The following LIN52 variants were observed in gnomAD, a reference collection of about 807,000 sequenced individuals.
LIN52 encodes the protein protein lin-52 homolog.
A neutral mutation model predicts 18.5 loss-of-function variants in LIN52; 4 were observed. The ratio of observed to expected loss-of-function variants is 0.22; its 90% CI spans 0.11 to 0.49. The LOEUF is 0.49. Among genes scored for constraint, LIN52 ranks in the 20% least tolerant of loss-of-function variants. LIN52 has a pLI of 0.97. For missense variants in LIN52, 102 were observed against 139.5 expected (o/e 0.73, Z 1.35); for synonymous variants, 34 against 45.5 (o/e 0.75, Z 1.02).
intron 2 of LIN52, among the ~76,000 whole-genome samples, chr14:74,093,140 C>T (rs919284831): frequency 2.0e-5 from 3 of 151,228 alleles, no homozygotes; most frequent in Non-Finnish European, 2.9e-5. Context: ...GTAGTACAGA[C>T]GGCTTTTCAC....
Position 74,097,782 on chromosome 14 carries a change from A to T in LIN52, c.133-12A>T, listed in dbSNP as rs751753124. ...TTTTATGTGTCTGAATGGATATATT[A>T]TTTTTTGACAGCCTATTACTAGTTC... is the stretch of plus-strand genomic sequence containing the variant. On this transcript the variant is annotated splice_polypyrimidine_tract_variant and intron_variant, in intron 3 of 5. Coordinates refer to ENST00000555028, the MANE Select transcript of LIN52 (RefSeq NM_001024674.3). 2.5e-6 allele frequency: 4 copies of T among 1,586,764 alleles called. No homozygotes were observed. The highest frequency in any genetic ancestry group is 3.5e-6 in the Non-Finnish European group (4 of 1,155,548).
At chr14:74,125,801 C>T (rs1198237422) in intron 5 of LIN52, among the ~76,000 whole-genome samples, 2 of 148,590 alleles carry the variant, frequency 1.3e-5, no homozygotes, top group Non-Finnish European at 3.0e-5. Flanking sequence ...AAAAACCAAA[C>T]ACCGCATGTT....
chr14:74,156,304 G>GT lies in LIN52; in HGVS notation c.284-42610dup, dbSNP rs144215324. 6.9e-3 allele frequency among the ~76,000 whole-genome samples: 1,053 copies of GT among 151,890 alleles called. 14 individuals are homozygous for GT. The highest frequency in any genetic ancestry group is 0.024 in the African/African-American group (1,010 of 41,436). ...TATGTTGATGCGAATGCCCAGTATT[G>GT]TTTTTTTTAGACTAACCCTTTTTTA... On this transcript the variant is annotated intron_variant, in intron 5 of 5. Coordinates refer to ENST00000555028, the MANE Select transcript of LIN52 (RefSeq NM_001024674.3).
In LIN52 at chr14:74,118,528, C is replaced by CT. The variant is rs575796575; in HGVS notation, c.283+17293dup. 5.8e-4 allele frequency among the ~76,000 whole-genome samples: 88 copies of CT among 152,224 alleles called. No homozygotes were observed. The Middle Eastern group carries it at 0.01, about 18-fold the overall frequency. Reference sequence around the variant, plus strand: ...GTGGCTCATGCCTGTGATCCCAGCACTTTGGGAGGCTGAGGCTGGCAGATC... The same window carrying CT: ...GTGGCTCATGCCTGTGATCCCAGCACTTTTGGGAGGCTGAGGCTGGCAGATC... On this transcript the variant is annotated intron_variant, in intron 5 of 5. Coordinates refer to ENST00000555028, the MANE Select transcript of LIN52 (RefSeq NM_001024674.3).
At chr14:74,177,205 T>G (rs2061298126) in intron 5 of LIN52, among the ~76,000 whole-genome samples, 1 of 151,890 alleles carries the variant, frequency 6.6e-6, no homozygotes, top group African/African-American at 2.4e-5. Flanking sequence ...TCCATGTTGG[T>G]CAGGCTGGTC....
chr14:74,092,746 G>C (rs1032044087), intron 2 of LIN52, among the ~76,000 whole-genome samples: 2 of 151,630 alleles, frequency 1.3e-5, no homozygotes, highest in Non-Finnish European at 2.9e-5. Context: ...GCGAAACCCT[G>C]TCTCTATCAA....
rs192768011 is a variant in LIN52, at chr14:74,154,773, C to T, written c.284-44149C>T. 3.3e-5 allele frequency among the ~76,000 whole-genome samples: 5 copies of T among 152,254 alleles called. No homozygotes were observed. In the East Asian group the frequency reaches 5.8e-4, roughly 18 times the overall value. On this transcript the variant is annotated intron_variant, in intron 5 of 5. Transcript: ENST00000555028. ...AGAAGACGTAAGATTAAAACAGGAT[C>T]GGGTTTAGTTACTAGTGTAAGATGA...
At chr14:74,148,379 A>G (rs1440583090) in intron 5 of LIN52, among the ~76,000 whole-genome samples, 1 of 152,328 alleles carries the variant, frequency 6.6e-6, no homozygotes, top group East Asian at 1.9e-4. Context: ...AAAAATACAT[A>G]AGCTCCTCTC....
intron 5 of LIN52, among the ~76,000 whole-genome samples, chr14:74,196,427 C>A (rs2078912610): frequency 6.6e-6 from 1 of 152,122 alleles, no homozygotes; most frequent in Non-Finnish European, 1.5e-5. Flanking sequence ...TGCAGTGCTC[C>A]AGGCCCAGGA....
chr14:74,159,567 G>GTTTT (rs11288935), intron 5 of LIN52, among the ~76,000 whole-genome samples: 6 of 133,616 alleles, frequency 4.5e-5, no homozygotes, highest in Non-Finnish European at 4.9e-5. Flanking sequence ...TGTGGGGTTT[G>GTTTT]TTTTTTTTTT....
chr14:74,179,900 G>C (rs972324334), intron 5 of LIN52, among the ~76,000 whole-genome samples: 1 of 152,150 alleles, frequency 6.6e-6, no homozygotes, highest in Non-Finnish European at 1.5e-5. Context: ...ATGGTTTTCA[G>C]ACTTTAGCAT....
chr14:74,123,349 T>C (rs1169633750), intron 5 of LIN52, among the ~76,000 whole-genome samples: 2 of 152,144 alleles, frequency 1.3e-5, no homozygotes, highest in Non-Finnish European at 2.9e-5. Flanking sequence ...TAGTGACTGA[T>C]TGGATATATT....
intron 5 of LIN52, among the ~76,000 whole-genome samples, chr14:74,177,252 C>G (rs2061298324): frequency 6.6e-6 from 1 of 152,154 alleles, no homozygotes; most frequent in South Asian, 2.1e-4. Flanking sequence ...CCTGCCTCGG[C>G]CTCCCAAGGT....
chr14:74,117,111 A>T (rs2060970034), intron 5 of LIN52, among the ~76,000 whole-genome samples: 1 of 152,212 alleles, frequency 6.6e-6, no homozygotes, highest in Non-Finnish European at 1.5e-5. Flanking sequence ...AATAAAAATG[A>T]GTAGATCCAT....
chr14:74,191,007 G>A (rs1356045957), intron 5 of LIN52, among the ~76,000 whole-genome samples: 1 of 152,214 alleles, frequency 6.6e-6, no homozygotes, highest in Non-Finnish European at 1.5e-5. Context: ...AAAGTGCTTA[G>A]TCCTTGACTT....
intron 5 of LIN52, among the ~76,000 whole-genome samples, chr14:74,119,855 G>A (rs887077277): frequency 7.3e-6 from 1 of 137,822 alleles, no homozygotes; most frequent in Non-Finnish European, 1.5e-5. Flanking sequence ...TTTTTTTTTA[G>A]ATGGAGTTTC....
chr14:74,100,731 C>T (rs977749754), intron 4 of LIN52, among the ~76,000 whole-genome samples: 1 of 152,150 alleles, frequency 6.6e-6, no homozygotes, highest in African/African-American at 2.4e-5. Flanking sequence ...CCGCCTTGGC[C>T]TCCCAAAGTG....
intron 1 of LIN52, among the ~76,000 whole-genome samples, chr14:74,087,846 AGTTCT>A (rs1268529452): frequency 6.6e-6 from 1 of 152,242 alleles, no homozygotes; most frequent in Admixed American, 6.5e-5. Flanking sequence ...GCAGAGTCTG[AGTTCT>A]ATCCCAGACT....
chr14:74,103,285 G>A (rs1384170060), intron 5 of LIN52, among the ~76,000 whole-genome samples: 2 of 152,220 alleles, frequency 1.3e-5, no homozygotes, highest in Non-Finnish European at 2.9e-5. Context: ...CACCCTGGTG[G>A]CCAGGCTGGT....
Sources: gnomAD v4.1 joint callset for allele counts (sites outside exome capture counted in the v4.1 genomes callset) on GRCh38, gnomAD v4.1.1 for gene constraint, MANE v1.5 for transcripts, NCBI Gene and HGNC (gene_info 2026-07-23, HGNC 2026-07-21) for gene names.